Variants in NR2F1-AS1 observed in about 807,000 individuals in gnomAD.
The protein encoded by NR2F1-AS1 is NR2F1 antisense RNA 1.
intron 4 of NR2F1-AS1, among the ~76,000 whole-genome samples, chr5:93,444,377 C>CA (rs1176318063): frequency 6.6e-6 from 1 of 151,704 alleles, no homozygotes; most frequent in Non-Finnish European, 1.5e-5. Flanking sequence ...AAATGGAAAA[C>CA]AAAAAAAGCA....
At chr5:93,524,305 G>C (rs1459566263) in intron 4 of NR2F1-AS1, among the ~76,000 whole-genome samples, 1 of 151,904 alleles carries the variant, frequency 6.6e-6, no homozygotes, top group Non-Finnish European at 1.5e-5. Context: ...CATGATTAGA[G>C]AAAAAAGAAT....
At chr5:93,455,044 G>C (rs1409861907) in intron 4 of NR2F1-AS1, among the ~76,000 whole-genome samples, 1 of 152,156 alleles carries the variant, frequency 6.6e-6, no homozygotes, top group Non-Finnish European at 1.5e-5. Flanking sequence ...ATGGGGTCAT[G>C]AGAACCACTG....
chr5:93,504,786 C>T (rs1490737472), intron 4 of NR2F1-AS1, among the ~76,000 whole-genome samples: 1 of 152,080 alleles, frequency 6.6e-6, no homozygotes, highest in Non-Finnish European at 1.5e-5. Flanking sequence ...TTACCTCCCC[C>T]TGGGTCCCTC....
intron 4 of NR2F1-AS1, among the ~76,000 whole-genome samples, chr5:93,437,394 AT>A (rs1375724697): frequency 6.6e-6 from 1 of 152,216 alleles, no homozygotes; most frequent in Non-Finnish European, 1.5e-5. Flanking sequence ...ATAAAAATTA[AT>A]TTCACTTGCT....
intron 4 of NR2F1-AS1, among the ~76,000 whole-genome samples, chr5:93,512,510 T>C (rs1751319583): frequency 6.6e-6 from 1 of 152,158 alleles, no homozygotes; most frequent in African/African-American, 2.4e-5. Flanking sequence ...AAGTATTTCT[T>C]TATAAATTTA....
chr5:93,538,365 C>A (rs1257330286), intron 4 of NR2F1-AS1, among the ~76,000 whole-genome samples: 2 of 152,044 alleles, frequency 1.3e-5, no homozygotes, highest in Non-Finnish European at 2.9e-5. Flanking sequence ...TCCCCCACTG[C>A]TCGGGAGGCT....
chr5:93,486,456 C>A (rs1004141893), intron 4 of NR2F1-AS1, among the ~76,000 whole-genome samples: 1 of 152,010 alleles, frequency 6.6e-6, no homozygotes, highest in Non-Finnish European at 1.5e-5. Flanking sequence ...TCAGAGAATA[C>A]TATAAACACC....
At chr5:93,544,240 T>C (rs944732259) in intron 4 of NR2F1-AS1, among the ~76,000 whole-genome samples, 1 of 152,110 alleles carries the variant, frequency 6.6e-6, no homozygotes. Flanking sequence ...TTAATAAAAG[T>C]GAAAACTAAT....
intron 4 of NR2F1-AS1, among the ~76,000 whole-genome samples, chr5:93,438,000 T>C (rs1469620018): frequency 6.6e-6 from 1 of 152,196 alleles, no homozygotes; most frequent in Non-Finnish European, 1.5e-5. Context: ...GATATGCTTC[T>C]GGGTTAGAGG....
At chr5:93,570,426 G>A (rs970407777) in intron 1 of NR2F1-AS1, 1 of 152,700 alleles carries the variant, frequency 6.5e-6, no homozygotes, top group African/African-American at 2.4e-5. Flanking sequence ...AGGCTAAATG[G>A]GGAAGTTGTA....
At chr5:93,518,191 G>T (rs1025183280) in intron 4 of NR2F1-AS1, among the ~76,000 whole-genome samples, 17 of 152,046 alleles carry the variant, frequency 1.1e-4, no homozygotes, top group African/African-American at 4.1e-4. Context: ...GAGAACAAGA[G>T]TTTTTCAAAA....
intron 4 of NR2F1-AS1, among the ~76,000 whole-genome samples, chr5:93,505,472 C>T (rs1751166809): frequency 6.6e-6 from 1 of 152,200 alleles, no homozygotes; most frequent in Non-Finnish European, 1.5e-5. Flanking sequence ...TTCCCTTCTG[C>T]ACTGCCCCAG....
intron 4 of NR2F1-AS1, among the ~76,000 whole-genome samples, chr5:93,430,500 T>C (rs575619048): frequency 2.0e-5 from 3 of 152,138 alleles, no homozygotes; most frequent in Admixed American, 1.3e-4. Flanking sequence ...AAGGAGGCAT[T>C]GGTGGTGAAT....
intron 4 of NR2F1-AS1, chr5:93,410,220 T>C (rs984986324): frequency 6.6e-6 from 1 of 152,216 alleles, no homozygotes; most frequent in South Asian, 2.1e-4. Context: ...TAGCCAAATT[T>C]TCATAGAGCC....
chr5:93,532,022 C>T (rs1751746098), intron 4 of NR2F1-AS1, among the ~76,000 whole-genome samples: 1 of 152,128 alleles, frequency 6.6e-6, no homozygotes, highest in African/African-American at 2.4e-5. Flanking sequence ...TTTTCTTCAA[C>T]ACACACAGTT....
intron 4 of NR2F1-AS1, among the ~76,000 whole-genome samples, chr5:93,443,971 A>T (rs1332947563): frequency 6.6e-6 from 1 of 152,186 alleles, no homozygotes; most frequent in Non-Finnish European, 1.5e-5. Context: ...GTGAAGGAGA[A>T]ATAAAATCCT....
chr5:93,568,563 A>G (rs1752667717), intron 1 of NR2F1-AS1, among the ~76,000 whole-genome samples: 2 of 152,208 alleles, frequency 1.3e-5, no homozygotes, highest in African/African-American at 4.8e-5. Flanking sequence ...ACCAAAGAAA[A>G]CTTGACACGA....
intron 4 of NR2F1-AS1, among the ~76,000 whole-genome samples, chr5:93,470,708 C>A (rs1047495804): frequency 5.3e-5 from 8 of 151,734 alleles, no homozygotes; most frequent in Non-Finnish European, 1.2e-4. Flanking sequence ...AGCATACAGT[C>A]ATTTTAGGGA....
intron 4 of NR2F1-AS1, among the ~76,000 whole-genome samples, chr5:93,481,818 G>A (rs1046473260): frequency 7.2e-5 from 11 of 151,930 alleles, no homozygotes; most frequent in African/African-American, 2.7e-4. Flanking sequence ...AATAGGTTAA[G>A]AAAGAAATCA....
Sources: allele counts gnomAD v4.1 joint callset (sites outside exome capture counted in the v4.1 genomes callset), GRCh38; gene constraint gnomAD v4.1.1; transcripts MANE v1.5; gene names NCBI Gene and HGNC (gene_info 2026-07-23, HGNC 2026-07-21).